TP53BP1: variants seen among roughly 807,000 people sequenced by gnomAD.
The protein encoded by TP53BP1 is TP53-binding protein 1.
TP53BP1 carries 61 observed loss-of-function variants against 200.8 expected under a neutral mutation model. The observed-to-expected ratio is 0.30, with a 90% CI of 0.25 to 0.38. The LOEUF (loss-of-function observed/expected upper bound fraction) is 0.38. TP53BP1 is among the 10% of genes least tolerant of loss of function. The pLI is 1.00. For missense variants in TP53BP1, 2,144 were observed against 2,371.9 expected (o/e 0.90, Z 2.00); for synonymous variants, 822 against 844.3 (o/e 0.97, Z 0.46).
chr15:43,410,021 AG>A (rs760533784), intron 24 of TP53BP1, among the ~76,000 whole-genome samples: 1 of 152,226 alleles, frequency 6.6e-6, no homozygotes, highest in South Asian at 2.1e-4. Context: ...GACCGTTGAT[AG>A]GGATGGGAAC....
chr15:43,447,488 G>GAAAAAA lies in TP53BP1; in HGVS notation c.2717-9_2717-4dup. On this transcript the variant is annotated splice_region_variant and splice_polypyrimidine_tract_variant and intron_variant, in intron 12 of 27. Coordinates refer to ENST00000382044, the MANE Select transcript of TP53BP1 (RefSeq NM_001141980.3). ...CAAAGTGAAATGAAATGGGGTTTCT[G>GAAAAAA]AAAAAAAAAAAAAAAAGAAAAAAGA... is the stretch of plus-strand genomic sequence containing the variant. The GAAAAAA allele has an allele frequency of 2.3e-5, 22 of 954,466 alleles. No individual in the cohort carries two copies. Among genetic ancestry groups the GAAAAAA allele is most frequent in the South Asian group, 1.7e-4 (6 of 34,480 alleles). The allele number at this position is 954,466 out of a possible 1,614,324, so 59.1% of individuals were successfully genotyped here. A position where few individuals can be genotyped will look rare whatever the true frequency, so the allele number is the denominator to read the frequency against.
In TP53BP1 at chr15:43,404,986, T is replaced by C; in HGVS notation, c.*2397A>G. 1.8e-6 allele frequency: 1 copy of C among 569,812 alleles called. No homozygotes were observed. Among genetic ancestry groups the C allele is most frequent in the Non-Finnish European group, 3.1e-6 (1 of 325,116 alleles). 35.3% of individuals were successfully genotyped at this position (569,812 alleles called of 1,614,324 possible). A position where few individuals can be genotyped will look rare whatever the true frequency, so the allele number is the denominator to read the frequency against. ...TCAGTGGTAGCTGGCTTCCCAGAGG[T>C]CTGTCATTCCCATTCAGAAAATCAC... On this transcript the variant is annotated 3_prime_UTR_variant, in exon 28 of 28. Transcript: ENST00000382044.
At chr15:43,423,240 G>C (rs1384767579) in intron 18 of TP53BP1, among the ~76,000 whole-genome samples, 1 of 150,938 alleles carries the variant, frequency 6.6e-6, no homozygotes, top group East Asian at 1.9e-4. Flanking sequence ...ACAGCATAGA[G>C]AAATTATAGC....
At chr15:43,431,392 C>T (rs1464191057) in intron 17 of TP53BP1, among the ~76,000 whole-genome samples, 1 of 152,076 alleles carries the variant, frequency 6.6e-6, no homozygotes, top group Non-Finnish European at 1.5e-5. Context: ...ACATACATTT[C>T]TACGACTTCT....
In TP53BP1 at chr15:43,406,430, G is replaced by A; in HGVS notation, c.*953C>T. The A allele has an allele frequency of 2.9e-6, 1 of 343,940 alleles. No homozygotes were observed. Among genetic ancestry groups the A allele is most frequent in the Non-Finnish European group, 5.7e-6 (1 of 173,996 alleles). The allele number at this position is 343,940 out of a possible 1,614,324, so 21.3% of individuals were successfully genotyped here. On this transcript the variant is annotated 3_prime_UTR_variant, in exon 28 of 28. Transcript: ENST00000382044. Reference sequence around the variant, plus strand: ...ACTGCTGTCTCTGGAGCAGGAGCTGGCAAACTATGGCCTGCTGTCTGTTTT... The same window carrying A: ...ACTGCTGTCTCTGGAGCAGGAGCTGACAAACTATGGCCTGCTGTCTGTTTT...
rs1165884133 is a variant in TP53BP1 at position 43,479,502 on chromosome 15, T to C, written c.683A>G (p.Asn228Ser). Residue 228 changes from asparagine to serine, a missense_variant, in exon 7 of 28, where the codon AAC (asparagine) becomes AGC (serine). Coordinates refer to ENST00000382044, the MANE Select transcript of TP53BP1 (RefSeq NM_001141980.3). Reference sequence around the variant, plus strand: ...CTGTTCTGCTATGGGGATATCTTCGTTGGACTGTTCTTCATGCTTAATTGC... The same window carrying C: ...CTGTTCTGCTATGGGGATATCTTCGCTGGACTGTTCTTCATGCTTAATTGC... Reference protein sequence around the residue: ...NTAIKHEEQSNEDIPIAEQSS... With the variant: ...NTAIKHEEQSSEDIPIAEQSS... 9.9e-6 allele frequency: 16 copies of C among 1,612,792 alleles called. No individual in the cohort carries two copies. Among genetic ancestry groups the C allele is most frequent in the Non-Finnish European group, 1.4e-5 (16 of 1,179,570 alleles).
chr15:43,466,948 G>C (rs1046973522), intron 11 of TP53BP1, among the ~76,000 whole-genome samples: 2 of 152,192 alleles, frequency 1.3e-5, no homozygotes, highest in African/African-American at 4.8e-5. Context: ...TTATCTTTGG[G>C]TAGGAAGAGG....
At chr15:43,438,273 C>T in intron 16 of TP53BP1, 51 bp downstream of exon 16, 1 of 1,530,358 alleles carries the variant, frequency 6.5e-7, no homozygotes, top group South Asian at 1.1e-5. Flanking sequence ...TGGGCACTAA[C>T]CATTTTGTGA....
At chr15:43,462,008 T>C (rs573431740) in intron 11 of TP53BP1, among the ~76,000 whole-genome samples, 2 of 151,664 alleles carry the variant, frequency 1.3e-5, no homozygotes, top group South Asian at 2.1e-4. Flanking sequence ...ATAATCTTCA[T>C]GTAATTTTAG....
In TP53BP1 at chr15:43,422,056, G is replaced by A. The variant is rs775000251; in HGVS notation, c.3899C>T (p.Ser1300Phe). 17 of 1,614,060 alleles carry A rather than the reference G, an allele frequency of 1.1e-5. No individual in the cohort carries two copies. The East Asian group carries it at 1.3e-4, about 13-fold the overall frequency. The change falls in exon 19 of 28, where the codon TCC (serine) becomes TTC (phenylalanine). Residue 1300 changes from serine to phenylalanine, a missense_variant. By Grantham distance (155) the Ser-to-Phe change is radical. This residue lies in a region of TP53BP1 where 1,700 missense variants were observed against 1,710.3 expected (regional missense o/e 0.99). Coordinates refer to ENST00000382044, the MANE Select transcript of TP53BP1 (RefSeq NM_001141980.3). ...GCTGATATCCCCCAGGTCACCTGAGGAGCCCCCAGTCTGTGAAGGGGAAAC... is the reference window on the plus strand; with the variant it reads ...GCTGATATCCCCCAGGTCACCTGAGAAGCCCCCAGTCTGTGAAGGGGAAAC... ...TEVSPSQTGG[S>F]SGDLGDISSF...
chr15:43,488,297 CAAA>C (rs779360693), intron 4 of TP53BP1, among the ~76,000 whole-genome samples: 2 of 101,858 alleles, frequency 2.0e-5, no homozygotes, highest in African/African-American at 3.7e-5. Flanking sequence ...GGCCCTGTCT[CAAA>C]AAAAAAAAAA....
At chr15:43,434,184 G>A (rs1303035636) in intron 16 of TP53BP1, among the ~76,000 whole-genome samples, 2 of 152,120 alleles carry the variant, frequency 1.3e-5, no homozygotes, top group African/African-American at 4.8e-5. Context: ...ACCACCAGGA[G>A]ACACCTACCA....
rs1431741842 is a variant in TP53BP1, at chr15:43,420,632, T to C, written c.4354A>G (p.Thr1452Ala). 6.2e-7 allele frequency: 1 copy of C among 1,614,086 alleles called. No individual in the cohort carries two copies. Among genetic ancestry groups the C allele is most frequent in the Non-Finnish European group, 8.5e-7 (1 of 1,180,042 alleles). Reference sequence around the variant, plus strand: ...CCAGCACCCACATCTGTTCGTCTGGTGGAGTCTGGCACTCGGGGCACGACA... The same window carrying C: ...CCAGCACCCACATCTGTTCGTCTGGCGGAGTCTGGCACTCGGGGCACGACA... ...SRVVPRVPDS[T>A]RRTDVGAGAL... The change falls in exon 21 of 28, where the codon ACC becomes GCC. Residue 1452 changes from threonine (T) to alanine (A), a missense_variant. Thr to Ala is a moderately conservative substitution (Grantham distance 58, BLOSUM62 0). Transcript: ENST00000382044.
At position 43,409,002 on chromosome 15, in the gene TP53BP1, GAC is replaced by G; in HGVS notation, c.5493_5494del (p.His1833CysfsTer5). On this transcript the variant is annotated frameshift_variant, in exon 26 of 28. Transcript: ENST00000382044. LOFTEE classifies it high-confidence loss of function. ...GCAACTATCATGGACCCAGACATGA[GAC>G]ACACAAGGAATCCCACTGGCAAGGC... 1 of 1,614,146 alleles carries G rather than the reference GAC, an allele frequency of 6.2e-7. No homozygotes were observed. Among genetic ancestry groups the G allele is most frequent in the Non-Finnish European group, 8.5e-7 (1 of 1,180,010 alleles).
chr15:43,416,459 G>C (rs1323934024), intron 21 of TP53BP1, 43 bp from the exon 22 acceptor site: 1 of 1,588,072 alleles, frequency 6.3e-7, no homozygotes, highest in African/African-American at 1.3e-5. Flanking sequence ...GTTGTCTTAG[G>C]CTCCTTAGCA....
In TP53BP1 at chr15:43,492,112, C is replaced by A. The variant is rs1218618027; in HGVS notation, c.193-17G>T. ...CACAACATCCTAGAAAATACACATA[C>A]AAAATATCCCCATTATATATGAAAT... On this transcript the variant is annotated splice_polypyrimidine_tract_variant and intron_variant, in intron 2 of 27. Transcript: ENST00000382044. 2.5e-6 allele frequency: 4 copies of A among 1,582,346 alleles called. No individual in the cohort carries two copies. Among genetic ancestry groups the A allele is most frequent in the Non-Finnish European group, 3.5e-6 (4 of 1,151,604 alleles).
At chr15:43,489,619 T>C (rs1384241915) in intron 4 of TP53BP1, among the ~76,000 whole-genome samples, 1 of 152,174 alleles carries the variant, frequency 6.6e-6, no homozygotes, top group Non-Finnish European at 1.5e-5. Flanking sequence ...TAATGCTCCA[T>C]CTAAGCAGAG....
chr15:43,411,445 A>G (rs1366346377), intron 24 of TP53BP1, among the ~76,000 whole-genome samples: 1 of 152,246 alleles, frequency 6.6e-6, no homozygotes, highest in African/African-American at 2.4e-5. Context: ...GAATTTAAAT[A>G]TTTTACTGAG....
At chr15:43,497,487 T>C, upstream of TP53BP1, 5 of 983,386 alleles carry the variant, frequency 5.1e-6, no homozygotes, top group Non-Finnish European at 6.0e-6. Context: ...ATCCTGGCTC[T>C]TCTCTACCAT....
Sources: allele counts gnomAD v4.1 joint callset (sites outside exome capture counted in the v4.1 genomes callset), GRCh38; gene constraint gnomAD v4.1.1; regional missense constraint gnomAD v4.1.1; transcripts MANE v1.5; gene names NCBI Gene and HGNC (gene_info 2026-07-23, HGNC 2026-07-21).